The following KLB variants were observed in gnomAD, a reference collection of about 807,000 sequenced individuals.
KLB encodes the protein klotho beta.
Under a neutral mutation model 88.4 loss-of-function variants are expected in KLB, and 44 were observed. That is an observed-to-expected ratio of 0.50 (90% confidence interval 0.39 to 0.64). KLB has a LOEUF of 0.64. KLB is among the 30% of genes least tolerant of loss of function. The probability of loss-of-function intolerance (pLI) is 0.00; values close to 1 mark genes in which losing one functional copy is unlikely to be tolerated. For synonymous variants in KLB, 548 were observed against 513.4 expected, an observed-to-expected ratio of 1.07 and a Z score of -0.91; for missense variants, 1,137 against 1,304.8, an observed-to-expected ratio of 0.87 and a Z score of 1.98.
intron 4 of KLB, 21 bp from the exon 5 acceptor site, chr4:39,448,280 T>C (rs1743806418): frequency 1.3e-6 from 2 of 1,522,052 alleles, no homozygotes; most frequent in South Asian, 1.3e-5. Flanking sequence ...GTGATTAATG[T>C]TAATTTCTTA....
intron 1 of KLB, among the ~76,000 whole-genome samples, chr4:39,416,047 A>C (rs1295138860): frequency 6.6e-6 from 1 of 152,104 alleles, no homozygotes. Flanking sequence ...TTTAAGGAAG[A>C]TCTACCTTGT....
rs963878648 is a variant in KLB, at chr4:39,449,854, G to A, written c.*1168G>A. 1 of 152,240 alleles carries A rather than the reference G, an allele frequency of 6.6e-6. No homozygotes were observed. The highest frequency in any genetic ancestry group is 1.5e-5 in the Non-Finnish European group (1 of 68,144). 9.4% of individuals were successfully genotyped at this position (152,240 alleles called of 1,614,324 possible). On this transcript the variant is annotated 3_prime_UTR_variant, in exon 5 of 5. Transcript: ENST00000257408. ...GCAGGAGAATCGCTTGAACCCGAGA[G>A]GCAGAGGTTGCAATGAGCCAAGATC...
rs1204618520 is a variant in KLB at position 39,411,665 on chromosome 4, G to A, written c.825+3891G>A. On this transcript the variant is annotated intron_variant, in intron 1 of 4. Transcript: ENST00000257408. ...CTCCCGAGTAGCTGGGATTACAGGT[G>A]TGAGCCACTGCTCCTGGCCCTGGCT... is the stretch of plus-strand genomic sequence containing the variant. Among the ~76,000 whole-genome samples the A allele has an allele frequency of 2.0e-5, 3 of 151,672 alleles. 1 individual carries two copies. Among genetic ancestry groups the A allele is most frequent in the African/African-American group, 7.3e-5 (3 of 41,290 alleles).
At chr4:39,421,578 C>T (rs371982206) in intron 1 of KLB, among the ~76,000 whole-genome samples, 24 of 152,194 alleles carry the variant, frequency 1.6e-4, no homozygotes, top group African/African-American at 4.6e-4. Flanking sequence ...GGCAAGACCC[C>T]GTCTCTACTA....
intron 1 of KLB, among the ~76,000 whole-genome samples, chr4:39,416,088 C>CA (rs200563361): frequency 6.1e-5 from 9 of 148,102 alleles, no homozygotes; most frequent in Non-Finnish European, 9.0e-5. Flanking sequence ...GCAACAACAA[C>CA]AAAAAAAAAG....
chr4:39,443,516 G>A (rs1034824281), intron 3 of KLB, among the ~76,000 whole-genome samples: 14 of 151,716 alleles, frequency 9.2e-5, no homozygotes, highest in East Asian at 7.7e-4. Flanking sequence ...AGGCCGAGGC[G>A]GGCGTATCAC....
In KLB at chr4:39,448,099, T is replaced by C. The variant is rs55920184; in HGVS notation, c.2750-202T>C. ...TTTATGGATCAAGTTTCACTACAAA[T>C]TTTTCAGACTTAAATTATACATATT... On this transcript the variant is annotated intron_variant, in intron 4 of 4. Transcript: ENST00000257408. Among the ~76,000 whole-genome samples the C allele has an allele frequency of 2.0e-5, 3 of 152,272 alleles. No individual in the cohort carries two copies. In the East Asian group the frequency reaches 5.8e-4, roughly 29 times the overall value.
chr4:39,416,769 G>A (rs1177070876), intron 1 of KLB, among the ~76,000 whole-genome samples: 1 of 152,128 alleles, frequency 6.6e-6, no homozygotes, highest in African/African-American at 2.4e-5. Context: ...GTGACAGGGT[G>A]AGACCCTGTC....
In KLB at chr4:39,443,921, C is replaced by T. The variant is rs569136227; in HGVS notation, c.1606-2411C>T. Among the ~76,000 whole-genome samples the T allele has an allele frequency of 2.6e-5, 4 of 152,054 alleles. No homozygotes were observed. In the South Asian group the frequency reaches 8.3e-4, roughly 32 times the overall value. Reference sequence around the variant, plus strand: ...CCTGTAATCCCAGCACTTTGGGAGGCCGAGGTGGGTGGATCACTTGAGGTC... The same window carrying T: ...CCTGTAATCCCAGCACTTTGGGAGGTCGAGGTGGGTGGATCACTTGAGGTC... On this transcript the variant is annotated intron_variant, in intron 3 of 4. Transcript: ENST00000257408.
intron 1 of KLB, among the ~76,000 whole-genome samples, chr4:39,431,585 C>T (rs1035368843): frequency 2.2e-4 from 34 of 152,200 alleles, no homozygotes; most frequent in Admixed American, 2.0e-3. Context: ...TTGGGAATAC[C>T]TGGGTGCTAA....
Position 39,423,438 on chromosome 4 carries a change from CA to C in KLB, c.826-10771del, listed in dbSNP as rs1743132202. On this transcript the variant is annotated intron_variant, in intron 1 of 4. Coordinates refer to ENST00000257408, the MANE Select transcript of KLB (RefSeq NM_175737.4). ...TAGCTCTTTTAATAACCAAGTACAG[CA>C]GAGAGAAAATGTAATTTTAAAACAA... Among the ~76,000 whole-genome samples, 5 of 151,890 alleles carry C rather than the reference CA, an allele frequency of 3.3e-5. No homozygotes were observed. The South Asian group carries it at 1.0e-3, about 31-fold the overall frequency.
At chr4:39,426,116 G>A (rs1467748766) in intron 1 of KLB, among the ~76,000 whole-genome samples, 3 of 152,078 alleles carry the variant, frequency 2.0e-5, no homozygotes, top group Non-Finnish European at 2.9e-5. Flanking sequence ...GCCAGGCGTG[G>A]TGTCGGGCAC....
At chr4:39,443,592 C>CAAA (rs770812561) in intron 3 of KLB, among the ~76,000 whole-genome samples, 5 of 65,844 alleles carry the variant, frequency 7.6e-5, no homozygotes, top group African/African-American at 1.7e-4. Context: ...CCTGTCTCTA[C>CAAA]AAAAAAAAAA....
At position 39,407,126 on chromosome 4, in the gene KLB, T is replaced by A; in HGVS notation, c.177T>A (p.Ala59=). The A allele has an allele frequency of 1.2e-6, 2 of 1,614,166 alleles. No individual in the cohort carries two copies. Among genetic ancestry groups the A allele is most frequent in the Non-Finnish European group, 1.7e-6 (2 of 1,180,016 alleles). Residue 59 remains alanine (A), a synonymous_variant, in exon 1 of 5, where the codon GCT becomes GCA. Coordinates refer to ENST00000257408, the MANE Select transcript of KLB (RefSeq NM_175737.4). The part of the protein sequence containing the change: ...AVTGFSGDGR[A]IWSKNPNFTP... ...CTGGATTCTCTGGAGATGGAAGAGCTATATGGTCTAAAAATCCTAATTTTA... is the reference window on the plus strand; with the variant it reads ...CTGGATTCTCTGGAGATGGAAGAGCAATATGGTCTAAAAATCCTAATTTTA...
intron 2 of KLB, among the ~76,000 whole-genome samples, chr4:39,436,640 A>G (rs1560651131): frequency 6.6e-6 from 1 of 152,210 alleles, no homozygotes; most frequent in Non-Finnish European, 1.5e-5. Context: ...ATCTTTTAAG[A>G]AAGAAAAAAG....
rs753861169 is a variant in KLB, at chr4:39,447,483, C to T, written c.2749+8C>T. The T allele has an allele frequency of 2.6e-6, 4 of 1,549,684 alleles. No homozygotes were observed. The highest frequency in any genetic ancestry group is 1.9e-5 in the Admixed American group (1 of 52,782). ...TTCAGGAGGTGCTGAAAGGTAAGGGCGGGGCCCCTTCAGACACAGGGCAGA... is the reference window on the plus strand; with the variant it reads ...TTCAGGAGGTGCTGAAAGGTAAGGGTGGGGCCCCTTCAGACACAGGGCAGA... On this transcript the variant is annotated splice_region_variant and intron_variant, in intron 4 of 4. Coordinates refer to ENST00000257408, the MANE Select transcript of KLB (RefSeq NM_175737.4).
At chr4:39,432,582 C>T (rs1743387789) in intron 1 of KLB, among the ~76,000 whole-genome samples, 1 of 152,066 alleles carries the variant, frequency 6.6e-6, no homozygotes, top group Non-Finnish European at 1.5e-5. Context: ...TCACATGCTG[C>T]ATCCTTATTT....
chr4:39,413,216 G>C (rs1742892844), intron 1 of KLB, among the ~76,000 whole-genome samples: 1 of 152,134 alleles, frequency 6.6e-6, no homozygotes, highest in Non-Finnish European at 1.5e-5. Context: ...ATGCAGCAAA[G>C]CCCCAAGGGT....
chr4:39,417,298 G>A (rs948518652), intron 1 of KLB, among the ~76,000 whole-genome samples: 1 of 150,972 alleles, frequency 6.6e-6, no homozygotes, highest in African/African-American at 2.4e-5. Flanking sequence ...CATCAAAAAA[G>A]TGGTTTTTTG....
Sources: gnomAD v4.1 joint callset for allele counts (sites outside exome capture counted in the v4.1 genomes callset) on GRCh38, gnomAD v4.1.1 for gene constraint, MANE v1.5 for transcripts, NCBI Gene and HGNC (gene_info 2026-07-23, HGNC 2026-07-21) for gene names.